MIDEAS: variants seen among roughly 807,000 people sequenced by gnomAD.
MIDEAS encodes mitotic deacetylase associated SANT domain protein, also known as mitotic deacetylase-associated SANT domain protein.
MIDEAS carries 26 observed loss-of-function variants against 102.7 expected under a neutral mutation model. The ratio of observed to expected loss-of-function variants is 0.25; its 90% CI spans 0.19 to 0.35. The LOEUF is 0.35. Among genes scored for constraint, MIDEAS ranks in the 10% least tolerant of loss-of-function variants. The pLI, the probability that MIDEAS is intolerant of heterozygous loss-of-function variation, is 1.00. For synonymous variants in MIDEAS, 585 were observed against 591.0 expected, an observed-to-expected ratio of 0.99 and a Z score of 0.15; for missense variants, 1,231 against 1,435.6, an observed-to-expected ratio of 0.86 and a Z score of 2.30.
chr14:73,739,723 T>C lies in MIDEAS; in HGVS notation c.286A>G (p.Lys96Glu). Residue 96 changes from lysine to glutamate, a missense_variant, in exon 2 of 13, where the codon AAG becomes GAG. Around this residue, in one of 5 missense-constraint regions of MIDEAS, gnomAD observed 758 missense variants for 856.0 expected, o/e 0.89. Coordinates refer to ENST00000423556, the MANE Select transcript of MIDEAS (RefSeq NM_001367710.1). ...GGAGCCATCACAGAGTTGGGCCACT[T>C]TACTGAGGCCACCTGCTGGGACAGC... is the stretch of plus-strand genomic sequence containing the variant. ...AMLSQQVASV[K>E]WPNSVMAPGR... The C allele has an allele frequency of 6.2e-7, 1 of 1,613,916 alleles. No homozygotes were observed. Among genetic ancestry groups the C allele is most frequent in the Non-Finnish European group, 8.5e-7 (1 of 1,180,006 alleles).
rs976655718 is a variant in MIDEAS at position 73,725,526 on chromosome 14, C to G, written c.2486-166G>C. On this transcript the variant is annotated intron_variant, in intron 8 of 12. Coordinates refer to ENST00000423556, the MANE Select transcript of MIDEAS (RefSeq NM_001367710.1). This position sits in a 1 kb window ranked among gnomAD's most constrained non-coding sequence, Gnocchi z 4.1. ...TGTGCCTCACAGCCTCGCTCCCTTG[C>G]TTGTGAAATGGAAACTAATATCACC... Among the ~76,000 whole-genome samples, 1 of 152,192 alleles carries G rather than the reference C, an allele frequency of 6.6e-6. No individual in the cohort carries two copies. The highest frequency in any genetic ancestry group is 6.5e-5 in the Admixed American group (1 of 15,270).
At chr14:73,784,055 T>A (rs547204283) in intron 1 of MIDEAS, among the ~76,000 whole-genome samples, 1 of 152,368 alleles carries the variant, frequency 6.6e-6, no homozygotes, top group East Asian at 1.9e-4. Context: ...CAGTGGCACC[T>A]CGGGGTTTCC....
intron 4 of MIDEAS, 163 bp from the exon 5 acceptor site, chr14:73,727,687 A>T: frequency 1.4e-5 from 9 of 625,112 alleles, no homozygotes; most frequent in Non-Finnish European, 2.4e-5. Flanking sequence ...GTCACCTACG[A>T]AAACGCAGGC....
At chr14:73,731,638 G>A (rs780588873) in intron 3 of MIDEAS, among the ~76,000 whole-genome samples, 2 of 152,200 alleles carry the variant, frequency 1.3e-5, no homozygotes, top group Non-Finnish European at 2.9e-5. Flanking sequence ...GTGTGGTAAT[G>A]CTATTGAGAT....
chr14:73,733,046 T>G (rs2053159539), intron 3 of MIDEAS, among the ~76,000 whole-genome samples: 1 of 150,596 alleles, frequency 6.6e-6, no homozygotes, highest in African/African-American at 2.4e-5. Context: ...GAGCTGAGAT[T>G]GAGCCATTGC....
chr14:73,745,621 G>C (rs2053341205), intron 1 of MIDEAS, among the ~76,000 whole-genome samples: 1 of 152,092 alleles, frequency 6.6e-6, no homozygotes, highest in South Asian at 2.1e-4. Flanking sequence ...AAATGGCCTG[G>C]AACTGCCATC....
Position 73,739,076 on chromosome 14 carries a change from G to C in MIDEAS, c.933C>G (p.Phe311Leu). 6.3e-7 allele frequency: 1 copy of C among 1,578,008 alleles called. No individual in the cohort carries two copies. Among genetic ancestry groups the C allele is most frequent in the Non-Finnish European group, 8.6e-7 (1 of 1,158,908 alleles). Residue 311 changes from phenylalanine (F) to leucine (L), a missense_variant, in exon 2 of 13, where the codon TTC (phenylalanine) becomes TTG (leucine). This residue lies in a region of MIDEAS where 758 missense variants were observed against 856.0 expected (regional missense o/e 0.89). Transcript: ENST00000423556. ...LAHHSMAPYPFPPNPDMNPEL... is the reference protein window; with the variant it reads ...LAHHSMAPYPLPPNPDMNPEL... ...CTGGGTTCATATCTGGGTTGGGGGG[G>C]AAGGGGTAGGGTGCCATGCTGTGGT...
At position 73,725,392 on chromosome 14, in the gene MIDEAS, G is replaced by C. The variant is rs1566583938; in HGVS notation, c.2486-32C>G. 6.3e-7 allele frequency: 1 copy of C among 1,590,820 alleles called. No individual in the cohort carries two copies. Among genetic ancestry groups the C allele is most frequent in the Admixed American group, 1.7e-5 (1 of 59,958 alleles). On this transcript the variant is annotated intron_variant, in intron 8 of 12. Transcript: ENST00000423556. This position sits in a 1 kb window ranked among gnomAD's most constrained non-coding sequence, Gnocchi z 4.1. Reference sequence around the variant, plus strand: ...GGCAAAGAGGCAGCCAGGGAGTGAGGTGGGCAGGGCCCTGGCCACTGCAGG... The same window carrying C: ...GGCAAAGAGGCAGCCAGGGAGTGAGCTGGGCAGGGCCCTGGCCACTGCAGG...
chr14:73,745,167 T>C (rs1398516025), intron 1 of MIDEAS, among the ~76,000 whole-genome samples: 4 of 152,200 alleles, frequency 2.6e-5, no homozygotes, highest in Non-Finnish European at 2.9e-5. Context: ...CTCCTCAAGA[T>C]GCTGGGATGA....
intron 1 of MIDEAS, among the ~76,000 whole-genome samples, chr14:73,743,723 T>C (rs1306839128): frequency 3.9e-5 from 6 of 152,098 alleles, no homozygotes; most frequent in Admixed American, 2.0e-4. Context: ...GAGGATGTCA[T>C]GAGGAACTCC....
chr14:73,749,598 ATATATG>A (rs1861579564), intron 1 of MIDEAS, among the ~76,000 whole-genome samples: 1 of 148,030 alleles, frequency 6.8e-6, no homozygotes, highest in South Asian at 2.1e-4. Flanking sequence ...TATAAAATAT[ATATATG>A]TATATTTATA....
rs748427647 is a variant in MIDEAS at position 73,727,630 on chromosome 14, G to C, written c.2096-106C>G. The C allele has an allele frequency of 7.3e-5, 81 of 1,110,462 alleles. No homozygotes were observed. The Middle Eastern group carries it at 8.2e-4, about 11-fold the overall frequency. The allele number at this position is 1,110,462 out of a possible 1,614,324, so 68.8% of individuals were successfully genotyped here. On this transcript the variant is annotated intron_variant, in intron 4 of 12. Coordinates refer to ENST00000423556, the MANE Select transcript of MIDEAS (RefSeq NM_001367710.1). ...GCAAGAGTCACAGTGGTGACACACA[G>C]AGCTCACGCAGGGAACACAGGCACC...
intron 1 of MIDEAS, among the ~76,000 whole-genome samples, chr14:73,747,307 G>A (rs896619214): frequency 1.3e-5 from 2 of 152,154 alleles, no homozygotes; most frequent in Non-Finnish European, 2.9e-5. Flanking sequence ...TCCAGGAGCC[G>A]CCACTCACTG....
chr14:73,727,116 T>G (rs533938293), intron 5 of MIDEAS, 144 bp from the exon 6 acceptor site: 1 of 1,061,190 alleles, frequency 9.4e-7, no homozygotes, highest in East Asian at 2.6e-5. Context: ...TCTAGGGGCT[T>G]GGGAGGACAG....
chr14:73,719,406 C>T lies in MIDEAS; in HGVS notation c.3033G>A (p.Lys1011=). 1 of 1,614,136 alleles carries T rather than the reference C, an allele frequency of 6.2e-7. No homozygotes were observed. Among genetic ancestry groups the T allele is most frequent in the Non-Finnish European group, 8.5e-7 (1 of 1,180,030 alleles). Reference sequence around the variant, plus strand: ...CTGAAAAAGGTAGTGCCCTTCGTGACTTCCCTGTCCCTTCCCTTGGCTTCT... The same window carrying T: ...CTGAAAAAGGTAGTGCCCTTCGTGATTTCCCTGTCCCTTCCCTTGGCTTCT... ...ASEKPREGTG[K]SRRALPFSEK... is the part of the protein sequence containing the mutation. Residue 1011 remains lysine (K), a synonymous_variant, in exon 12 of 13, where the codon AAG becomes AAA. Coordinates refer to ENST00000423556, the MANE Select transcript of MIDEAS (RefSeq NM_001367710.1).
chr14:73,748,103 T>C (rs1470417277), intron 1 of MIDEAS, among the ~76,000 whole-genome samples: 1 of 152,174 alleles, frequency 6.6e-6, no homozygotes, highest in Non-Finnish European at 1.5e-5. Context: ...CTCAAAAATA[T>C]CTATTTAACA....
At chr14:73,752,473 G>C (rs1464914521) in intron 1 of MIDEAS, among the ~76,000 whole-genome samples, 1 of 152,184 alleles carries the variant, frequency 6.6e-6, no homozygotes, top group Non-Finnish European at 1.5e-5. Flanking sequence ...GACCCACCTG[G>C]TGCTTGGGGG....
upstream of MIDEAS, among the ~76,000 whole-genome samples, chr14:73,762,991 C>T (rs1053577728): frequency 3.9e-5 from 6 of 152,166 alleles, no homozygotes; most frequent in Admixed American, 1.3e-4. Flanking sequence ...CCACTCAGAG[C>T]GGTCTGTCAC....
chr14:73,738,682 C>CTGT lies in MIDEAS; in HGVS notation c.1326_1327insACA (p.Cys442_Gly443insThr). The CTGT allele has an allele frequency of 6.2e-7, 1 of 1,613,878 alleles. No individual in the cohort carries two copies. The highest frequency in any genetic ancestry group is 1.3e-5 in the African/African-American group (1 of 75,080). On this transcript the variant is annotated inframe_insertion, in exon 2 of 13. Coordinates refer to ENST00000423556, the MANE Select transcript of MIDEAS (RefSeq NM_001367710.1). ...ATCACTCCGCCCCGTAGCACCTGCC[C>CTGT]ACAGTCCCCTGTGCTCACTGCCCTC...
Sources: gnomAD v4.1 joint callset for allele counts (sites outside exome capture counted in the v4.1 genomes callset) on GRCh38, gnomAD v4.1.1 for gene constraint, gnomAD v4.1.1 regional missense constraint, Gnocchi (gnomAD v3.1) non-coding constraint, MANE v1.5 for transcripts, NCBI Gene and HGNC (gene_info 2026-07-23, HGNC 2026-07-21) for gene names.